The following RAPGEFL1 variants were observed in gnomAD, a reference collection of about 807,000 sequenced individuals.
RAPGEFL1 encodes the protein rap guanine nucleotide exchange factor-like 1.
Under a neutral mutation model 64.4 loss-of-function variants are expected in RAPGEFL1, and 31 were observed. The ratio of observed to expected loss-of-function variants is 0.48; its 90% CI spans 0.36 to 0.65. RAPGEFL1 has a LOEUF of 0.65. RAPGEFL1 is among the 30% of genes least tolerant of loss of function. The probability of loss-of-function intolerance (pLI) is 0.00; values close to 1 mark genes in which losing one functional copy is unlikely to be tolerated. For synonymous variants in RAPGEFL1, 331 were observed against 274.1 expected, an observed-to-expected ratio of 1.21 and a Z score of -2.05; for missense variants, 682 against 677.4, an observed-to-expected ratio of 1.01 and a Z score of -0.08.
chr17:40,192,522 G>A, intron 11 of RAPGEFL1, 84 bp from the exon 12 acceptor site: 1 of 1,213,776 alleles, frequency 8.2e-7, no homozygotes. Flanking sequence ...TGTATACAAG[G>A]CAGGGGGTGA....
At chr17:40,183,832 TGC>T (rs1989971675) in intron 2 of RAPGEFL1, among the ~76,000 whole-genome samples, 2 of 131,508 alleles carry the variant, frequency 1.5e-5, no homozygotes, top group Non-Finnish European at 1.6e-5. Context: ...TTTTTTTTTT[TGC>T]CTTTTTTTTT....
At chr17:40,182,800 C>T (rs1989933376) in intron 2 of RAPGEFL1, among the ~76,000 whole-genome samples, 2 of 152,180 alleles carry the variant, frequency 1.3e-5, no homozygotes, top group African/African-American at 4.8e-5. Context: ...GCATGGGCCT[C>T]TCACAGAGTT....
In RAPGEFL1 at chr17:40,194,139, G is replaced by T. The variant is rs1242681891; in HGVS notation, c.*351G>T. The T allele has an allele frequency of 4.1e-6, 1 of 242,604 alleles. No homozygotes were observed. The highest frequency in any genetic ancestry group is 8.2e-6 in the Non-Finnish European group (1 of 122,424). The allele number at this position is 242,604 out of a possible 1,614,324, so 15.0% of individuals were successfully genotyped here. On this transcript the variant is annotated 3_prime_UTR_variant, in exon 15 of 15. Transcript: ENST00000620260. ...GCTGCTCACCCTTCTGTCTTGCAGAGTGGGATTGTGGGAGGGATTGGCAGC... is the reference window on the plus strand; with the variant it reads ...GCTGCTCACCCTTCTGTCTTGCAGATTGGGATTGTGGGAGGGATTGGCAGC...
chr17:40,177,362 C>A, upstream of RAPGEFL1: 1 of 701,866 alleles, frequency 1.4e-6, no homozygotes, highest in Non-Finnish European at 2.6e-6. Flanking sequence ...TCGCGGTCAA[C>A]CCCAGCGCGC....
Position 40,178,286 on chromosome 17 carries a change from G to T in RAPGEFL1, c.425G>T (p.Trp142Leu). Residue 142 changes from tryptophan to leucine, a missense_variant, in exon 1 of 15, where the codon TGG becomes TTG. Transcript: ENST00000620260. ...GGCGAGCCCTTGACTTCGCCGCCCT[G>T]GGCCCCTCTGGGCGCCCCCGAGCGG... ...SPGEPLTSPP[W>L]APLGAPERPE... 1 of 643,756 alleles carries T rather than the reference G, an allele frequency of 1.6e-6. No individual in the cohort carries two copies. Among genetic ancestry groups the T allele is most frequent in the Non-Finnish European group, 2.8e-6 (1 of 354,260 alleles). The allele number at this position is 643,756 out of a possible 1,614,324, so 39.9% of individuals were successfully genotyped here. A position where few individuals can be genotyped will look rare whatever the true frequency, so the allele number is the denominator to read the frequency against.
intron 1 of RAPGEFL1, among the ~76,000 whole-genome samples, chr17:40,180,615 C>CA (rs1434269286): frequency 6.6e-6 from 1 of 152,182 alleles, no homozygotes; most frequent in Non-Finnish European, 1.5e-5. Flanking sequence ...GAGAAAAGGA[C>CA]AAAGACTCAG....
At chr17:40,186,461 G>C (rs1207248543) in intron 4 of RAPGEFL1, among the ~76,000 whole-genome samples, 3 of 150,658 alleles carry the variant, frequency 2.0e-5, no homozygotes, top group African/African-American at 7.3e-5. Flanking sequence ...CCAGCTACTC[G>C]GGAGGCTGAG....
rs1460118723 is a variant in RAPGEFL1, at chr17:40,191,982, C to G, written c.1606-231C>G. On this transcript the variant is annotated intron_variant, in intron 10 of 14. Coordinates refer to ENST00000620260, the MANE Select transcript of RAPGEFL1 (RefSeq NM_016339.6). The surrounding 1 kb of genome is among the most constrained non-coding windows in gnomAD (Gnocchi z 5.1). The stretch of plus-strand genomic sequence containing the variant: ...TCAGTGGGGGCATCTTTATACAAAG[C>G]ACCTGCATAAGACAGACCTGGCCTT... Among the ~76,000 whole-genome samples the G allele has an allele frequency of 6.6e-6, 1 of 152,216 alleles. No homozygotes were observed. The highest frequency in any genetic ancestry group is 1.5e-5 in the Non-Finnish European group (1 of 68,044).
chr17:40,186,574 C>CAAAAAAAAA lies in RAPGEFL1; in HGVS notation c.833+1923_833+1931dup, dbSNP rs146110920. 5.3e-4 allele frequency among the ~76,000 whole-genome samples: 14 copies of CAAAAAAAAA among 26,288 alleles called. 3 individuals are homozygous for CAAAAAAAAA. The highest frequency in any genetic ancestry group is 6.5e-4 in the Non-Finnish European group (8 of 12,244). 17.2% of individuals were successfully genotyped at this position (26,288 alleles called of 152,430 possible). A position where few individuals can be genotyped will look rare whatever the true frequency, so the allele number is the denominator to read the frequency against. On this transcript the variant is annotated intron_variant, in intron 4 of 14. Transcript: ENST00000620260. ...TGGGCGACAGAGCGAGACTCCGTCTCAAAAAAAAAAAAAAAAAAAAAAAAA... is the reference window on the plus strand; with the variant it reads ...TGGGCGACAGAGCGAGACTCCGTCTCAAAAAAAAAAAAAAAAAAAAAAAAAAAAAAAAAA...
rs1229583763 is a variant in RAPGEFL1 at position 40,194,854 on chromosome 17, G to C, written c.*1066G>C. 2.0e-5 allele frequency: 3 copies of C among 152,560 alleles called. No individual in the cohort carries two copies. Among genetic ancestry groups the C allele is most frequent in the Non-Finnish European group, 2.9e-5 (2 of 68,180 alleles). The allele number at this position is 152,560 out of a possible 1,614,324, so 9.5% of individuals were successfully genotyped here. On this transcript the variant is annotated 3_prime_UTR_variant, in exon 15 of 15. Coordinates refer to ENST00000620260, the MANE Select transcript of RAPGEFL1 (RefSeq NM_016339.6). The stretch of plus-strand genomic sequence containing the variant: ...TGGGGTGGGGTGGATCCCTATACCT[G>C]GGGCAGGCAGCCCCAAAGTGGGGGA...
At position 40,178,377 on chromosome 17, in the gene RAPGEFL1, C is replaced by T. The variant is rs1169175759; in HGVS notation, c.516C>T (p.Ala172=). Residue 172 remains alanine, a synonymous_variant, in exon 1 of 15, where the codon GCC becomes GCT. Coordinates refer to ENST00000620260, the MANE Select transcript of RAPGEFL1 (RefSeq NM_016339.6). ...LAGGATRDSA[A]SDILLDDIVL... Reference sequence around the variant, plus strand: ...GAGGGGCTACCAGGGACAGCGCCGCCTCAGGTAAGGAGCCGGTGGGCTCGA... The same window carrying T: ...GAGGGGCTACCAGGGACAGCGCCGCTTCAGGTAAGGAGCCGGTGGGCTCGA... The T allele has an allele frequency of 7.8e-6, 4 of 514,896 alleles. No homozygotes were observed. Among genetic ancestry groups the T allele is most frequent in the Admixed American group, 3.6e-5 (1 of 27,568 alleles). 31.9% of individuals were successfully genotyped at this position (514,896 alleles called of 1,614,324 possible). A position where few individuals can be genotyped will look rare whatever the true frequency, so the allele number is the denominator to read the frequency against.
rs1989995125 is a variant in RAPGEFL1, at chr17:40,184,365, G to C, written c.735+16G>C. 6.3e-7 allele frequency: 1 copy of C among 1,597,572 alleles called. No individual in the cohort carries two copies. On this transcript the variant is annotated intron_variant, in intron 3 of 14. Transcript: ENST00000620260. ...CATCATCAAGGTGGGCCTGGGGGAA[G>C]AGAAGGTGGGTAAACAGGCTATTAG...
chr17:40,187,475 C>G, intron 4 of RAPGEFL1, among the ~76,000 whole-genome samples: 1 of 152,098 alleles, frequency 6.6e-6, no homozygotes. Flanking sequence ...CATTCAATAC[C>G]CTTCCCTTTC....
intron 1 of RAPGEFL1, among the ~76,000 whole-genome samples, chr17:40,179,304 G>T (rs1375135496): frequency 6.6e-6 from 1 of 152,144 alleles, no homozygotes; most frequent in Non-Finnish European, 1.5e-5. Context: ...CTGACCTCGT[G>T]ATCCACCTGC....
chr17:40,190,813 C>T (rs1238777419), intron 8 of RAPGEFL1, 51 bp downstream of exon 8: 5 of 1,603,986 alleles, frequency 3.1e-6, no homozygotes, highest in Non-Finnish European at 4.3e-6. Context: ...AGAAATGTGC[C>T]ATTGGGAGAC....
chr17:40,189,879 C>T (rs898469255), intron 6 of RAPGEFL1, among the ~76,000 whole-genome samples: 5 of 151,928 alleles, frequency 3.3e-5, no homozygotes, highest in African/African-American at 7.3e-5. Flanking sequence ...TCACTTGAAC[C>T]GCGGAGGCGG....
At chr17:40,180,207 CTCAT>C (rs758564422) in intron 1 of RAPGEFL1, among the ~76,000 whole-genome samples, 1 of 152,192 alleles carries the variant, frequency 6.6e-6, no homozygotes, top group Non-Finnish European at 1.5e-5. Context: ...GGCTCTCTGA[CTCAT>C]TGTAAGAACA....
rs573995367 is a variant in RAPGEFL1, at chr17:40,184,736, T to C, written c.833+58T>C. On this transcript the variant is annotated intron_variant, in intron 4 of 14. Coordinates refer to ENST00000620260, the MANE Select transcript of RAPGEFL1 (RefSeq NM_016339.6). ...AAAGTGGTCCCCTGCGTTCCTCTACTACAGGGGCTGCCTCTGGCCTATTGG... is the reference window on the plus strand; with the variant it reads ...AAAGTGGTCCCCTGCGTTCCTCTACCACAGGGGCTGCCTCTGGCCTATTGG... 4.6e-4 allele frequency: 484 copies of C among 1,059,152 alleles called. 8 individuals carry two copies. In the South Asian group the frequency reaches 6.4e-3, roughly 14 times the overall value. 65.6% of individuals were successfully genotyped at this position (1,059,152 alleles called of 1,614,324 possible). A position where few individuals can be genotyped will look rare whatever the true frequency, so the allele number is the denominator to read the frequency against.
intron 6 of RAPGEFL1, 100 bp from the exon 7 acceptor site, chr17:40,190,334 C>T (rs1238991465): frequency 4.5e-6 from 4 of 892,294 alleles, no homozygotes; most frequent in African/African-American, 1.6e-5. Flanking sequence ...TAGAATGTGT[C>T]AGTGTGGGGT....
Sources: gnomAD v4.1 joint callset for allele counts (sites outside exome capture counted in the v4.1 genomes callset) on GRCh38, gnomAD v4.1.1 for gene constraint, Gnocchi (gnomAD v3.1) non-coding constraint, MANE v1.5 for transcripts, NCBI Gene and HGNC (gene_info 2026-07-23, HGNC 2026-07-21) for gene names.